Variants in CHRDL1 observed in about 807,000 individuals in gnomAD.
CHRDL1 encodes chordin like 1, also known as chordin-like protein 1.
Under a neutral mutation model 40.9 loss-of-function variants are expected in CHRDL1, and 19 were observed. The ratio of observed to expected loss-of-function variants is 0.46; its 90% confidence interval spans 0.32 to 0.68. The LOEUF (loss-of-function observed/expected upper bound fraction) is 0.68, where lower values mean the gene tolerates loss of function less well. CHRDL1 is among the 30% of genes least tolerant of loss of function. The probability of loss-of-function intolerance (pLI) is 0.03; values close to 1 mark genes in which losing one functional copy is unlikely to be tolerated. For synonymous variants in CHRDL1, 136 were observed against 123.4 expected (o/e 1.10, Z -0.68); for missense variants, 329 against 352.1 (o/e 0.93, Z 0.53).
rs1284468957 is a variant in CHRDL1 at position 110,700,634 on chromosome X, T to C, written c.609+20A>G. 1 of 1,076,220 alleles carries C rather than the reference T, an allele frequency of 9.3e-7. No individual in the cohort carries two copies. The allele number at this position is 1,076,220 out of a possible 1,213,427, so 88.7% of individuals were successfully genotyped here. On this transcript the variant is annotated intron_variant, in intron 7 of 11. Transcript: ENST00000372042. ...CCTGATGCTGTGGAGTGTTGAATTA[T>C]TTGAGCTATTCACACTTACTGCTTC...
intron 4 of CHRDL1, among the ~76,000 whole-genome samples, chrX:110,727,554 G>A (rs1043638820): frequency 9.0e-6 from 1 of 111,427 alleles, no homozygotes; most frequent in Admixed American, 9.5e-5. Flanking sequence ...ATAACCCAAT[G>A]GTAAAAATGG....
intron 7 of CHRDL1, among the ~76,000 whole-genome samples, chrX:110,696,775 G>A (rs2070394822): frequency 9.0e-6 from 1 of 110,993 alleles, no homozygotes; most frequent in Non-Finnish European, 1.9e-5. Context: ...GTGGTTTGGG[G>A]GAAGGCCTGG....
chrX:110,698,630 C>A (rs1224993676), intron 7 of CHRDL1, among the ~76,000 whole-genome samples: 1 of 112,114 alleles, frequency 8.9e-6, no homozygotes, highest in Admixed American at 9.4e-5. Flanking sequence ...CTGTACCCGA[C>A]CTTTTTTGCT....
intron 8 of CHRDL1, among the ~76,000 whole-genome samples, chrX:110,693,378 G>A (rs1259813579): frequency 2.7e-5 from 3 of 111,007 alleles, no homozygotes; most frequent in Non-Finnish European, 5.7e-5. Flanking sequence ...TAGAGATAGG[G>A]TCTTACTTTG....
chrX:110,785,765 A>C (rs1377884508), intron 2 of CHRDL1, among the ~76,000 whole-genome samples: 4 of 112,059 alleles, frequency 3.6e-5, no homozygotes, highest in Non-Finnish European at 7.5e-5. Flanking sequence ...TGAATGTTTA[A>C]CAATGAGCAT....
intron 2 of CHRDL1, among the ~76,000 whole-genome samples, chrX:110,768,772 G>T (rs1421238020): frequency 9.0e-6 from 1 of 110,915 alleles, no homozygotes; most frequent in East Asian, 2.8e-4. Flanking sequence ...TTGAGGTTTT[G>T]GGGCTCAGAC....
In CHRDL1 at chrX:110,674,457, C is replaced by CCACATACACACACACACACACACACA. The variant is rs796243093; in HGVS notation, c.*1773_*1774insTGTGTGTGTGTGTGTGTGTGTATGTG. On this transcript the variant is annotated 3_prime_UTR_variant, in exon 12 of 12. Coordinates refer to ENST00000372042, the MANE Select transcript of CHRDL1 (RefSeq NM_001143981.2). ...GCCGCATAACACCTTCCCCCCTTTA[C>CCACATACACACACACACACACACACA]CACACACACACACACACACACACAC... The CCACATACACACACACACACACACACA allele has an allele frequency of 3.8e-5, 3 of 78,937 alleles. No homozygotes were observed. The highest frequency in any genetic ancestry group is 1.6e-4 in the African/African-American group (3 of 19,210). The allele number at this position is 78,937 out of a possible 1,213,427, so 6.5% of individuals were successfully genotyped here.
chrX:110,715,775 G>T (rs2070830291), intron 6 of CHRDL1, among the ~76,000 whole-genome samples: 1 of 112,365 alleles, frequency 8.9e-6, no homozygotes, highest in Admixed American at 9.4e-5. Flanking sequence ...CTAACAGCTG[G>T]ATTATAGTGA....
intron 4 of CHRDL1, among the ~76,000 whole-genome samples, chrX:110,728,564 C>T (rs371360500): frequency 2.7e-5 from 3 of 111,828 alleles, no homozygotes; most frequent in East Asian, 2.8e-4. Flanking sequence ...GTTCTCTCCA[C>T]CGACATCATT....
chrX:110,725,762 C>G (rs766220636), intron 4 of CHRDL1, among the ~76,000 whole-genome samples: 2 of 112,038 alleles, frequency 1.8e-5, no homozygotes, highest in African/African-American at 6.5e-5. Context: ...ATCTCCTTGA[C>G]GCCAAGCCAT....
intron 3 of CHRDL1, among the ~76,000 whole-genome samples, chrX:110,762,351 A>T (rs775401302): frequency 4.5e-5 from 5 of 111,800 alleles, no homozygotes; most frequent in African/African-American, 1.6e-4. Flanking sequence ...ATCTCGGTTC[A>T]CTTCAGCCTA....
intron 4 of CHRDL1, among the ~76,000 whole-genome samples, chrX:110,736,590 C>T (rs1230819363): frequency 9.0e-6 from 1 of 111,291 alleles, no homozygotes; most frequent in Admixed American, 9.5e-5. Context: ...TTGCTTAGAC[C>T]AATAACCCTC....
chrX:110,719,061 C>A (rs2070896446), intron 6 of CHRDL1, among the ~76,000 whole-genome samples: 1 of 111,582 alleles, frequency 9.0e-6, no homozygotes, highest in African/African-American at 3.3e-5. Flanking sequence ...TACCCCAATT[C>A]TAGCACAATG....
chrX:110,777,023 T>C (rs915561488), intron 2 of CHRDL1, among the ~76,000 whole-genome samples: 1 of 111,414 alleles, frequency 9.0e-6, no homozygotes, highest in African/African-American at 3.3e-5. Context: ...CCCTAACCCC[T>C]GTCAACCACC....
chrX:110,762,640 C>T, intron 3 of CHRDL1, 55 bp downstream of exon 3: 7 of 693,405 alleles, frequency 1.0e-5, no homozygotes, highest in Non-Finnish European at 1.4e-5. Flanking sequence ...GCACTGAAAG[C>T]CTCTCGGCAT....
chrX:110,703,402 T>C (rs968149798), intron 6 of CHRDL1, among the ~76,000 whole-genome samples: 4 of 112,353 alleles, frequency 3.6e-5, no homozygotes, highest in South Asian at 3.7e-4. Context: ...TGAGTAAAGA[T>C]TGTAGACTGC....
chrX:110,711,261 T>C (rs1376176857), intron 6 of CHRDL1, among the ~76,000 whole-genome samples: 1 of 112,042 alleles, frequency 8.9e-6, no homozygotes, highest in Non-Finnish European at 1.9e-5. Flanking sequence ...GGTGAGAATG[T>C]ATAAACTCAA....
chrX:110,685,667 T>C (rs1009459353), intron 9 of CHRDL1, among the ~76,000 whole-genome samples: 8 of 111,745 alleles, frequency 7.2e-5, no homozygotes, highest in Non-Finnish European at 1.5e-4. Flanking sequence ...TTCTCTGCCA[T>C]TCAATCTTGG....
At chrX:110,677,706 C>T (rs750035800) in intron 11 of CHRDL1, among the ~76,000 whole-genome samples, 1 of 111,924 alleles carries the variant, frequency 8.9e-6, no homozygotes, top group East Asian at 2.8e-4. Context: ...TCTATGAGTC[C>T]TGCCAAAGAC....
Sources: allele counts gnomAD v4.1 joint callset (sites outside exome capture counted in the v4.1 genomes callset), GRCh38; gene constraint gnomAD v4.1.1; transcripts MANE v1.5; gene names NCBI Gene and HGNC (gene_info 2026-07-23, HGNC 2026-07-21).